Variants in PDE7B observed in about 807,000 individuals in gnomAD.
PDE7B encodes 3',5'-cyclic-AMP phosphodiesterase 7B.
Under a neutral mutation model 56.2 loss-of-function variants are expected in PDE7B, and 29 were observed. That is an observed-to-expected ratio of 0.52 (90% confidence interval 0.38 to 0.70). The LOEUF (loss-of-function observed/expected upper bound fraction) is 0.70. PDE7B is among the 30% of genes least tolerant of loss of function. PDE7B has a pLI of 0.00. For synonymous variants in PDE7B, 197 were observed against 196.9 expected, an observed-to-expected ratio of 1.00 and a Z score of 0.00; for missense variants, 490 against 565.0, an observed-to-expected ratio of 0.87 and a Z score of 1.35.
intron 2 of PDE7B, among the ~76,000 whole-genome samples, chr6:136,007,029 A>C (rs916136473): frequency 6.6e-6 from 1 of 152,128 alleles, no homozygotes. Context: ...TATTCAGTGT[A>C]ATATTGGCTG....
In PDE7B at chr6:135,907,409, C is replaced by T. The variant is rs186019305; in HGVS notation, c.22-40055C>T. Among the ~76,000 whole-genome samples the T allele has an allele frequency of 1.6e-4, 24 of 152,224 alleles. No individual in the cohort carries two copies. In the South Asian group the frequency reaches 3.5e-3, roughly 22 times the overall value. ...AAAGAATTACAGAGCTTAGTTTTCA[C>T]GGATCAGGCCTCTTCCAGTTTCTGC... is the stretch of plus-strand genomic sequence containing the variant. On this transcript the variant is annotated intron_variant, in intron 1 of 12. Transcript: ENST00000308191.
At chr6:135,872,423 C>T (rs779498750) in intron 1 of PDE7B, among the ~76,000 whole-genome samples, 2 of 152,084 alleles carry the variant, frequency 1.3e-5, no homozygotes, top group Admixed American at 6.6e-5. Flanking sequence ...TTCAATTTCA[C>T]ATAAGACACT....
intron 2 of PDE7B, among the ~76,000 whole-genome samples, chr6:136,074,864 T>C (rs1341697892): frequency 6.6e-6 from 1 of 152,230 alleles, no homozygotes; most frequent in Non-Finnish European, 1.5e-5. Context: ...ATCTTGGCTG[T>C]TGTGAATAGT....
intron 2 of PDE7B, among the ~76,000 whole-genome samples, chr6:136,094,985 C>A (rs566618996): frequency 6.6e-6 from 1 of 152,272 alleles, no homozygotes; most frequent in South Asian, 2.1e-4. Context: ...CAGTATCTAC[C>A]TAATTATTTT....
chr6:135,956,320 A>C (rs1165857173), intron 2 of PDE7B, among the ~76,000 whole-genome samples: 1 of 152,210 alleles, frequency 6.6e-6, no homozygotes, highest in Non-Finnish European at 1.5e-5. Flanking sequence ...CATAATACAA[A>C]TGTAAAATAC....
Position 136,158,889 on chromosome 6 carries a change from G to T in PDE7B, c.711+3131G>T, listed in dbSNP as rs544736153. ...AAATTTAATGGTGGGCTTAGCAACT[G>T]TGCAAAGTAAGCATTAAGTTACATA... On this transcript the variant is annotated intron_variant, in intron 8 of 12. Transcript: ENST00000308191. Among the ~76,000 whole-genome samples, 3 of 152,290 alleles carry T rather than the reference G, an allele frequency of 2.0e-5. No individual in the cohort carries two copies. In the South Asian group the frequency reaches 6.2e-4, roughly 32 times the overall value.
intron 3 of PDE7B, among the ~76,000 whole-genome samples, chr6:136,131,508 T>G (rs560601041): frequency 0.013 from 1,946 of 147,690 alleles, 16 homozygotes; most frequent in Non-Finnish European, 0.022. Context: ...TTTTTTTTTT[T>G]TTTTTTTTTT....
At chr6:136,018,458 A>G (rs993123545) in intron 2 of PDE7B, among the ~76,000 whole-genome samples, 15 of 152,206 alleles carry the variant, frequency 9.9e-5, no homozygotes, top group African/African-American at 3.6e-4. Context: ...TCAAAATGAG[A>G]TCAACTCCTC....
chr6:135,868,063 T>C (rs1205630001), intron 1 of PDE7B, among the ~76,000 whole-genome samples: 1 of 152,228 alleles, frequency 6.6e-6, no homozygotes, highest in East Asian at 1.9e-4. Flanking sequence ...TGCATTTAGG[T>C]TATTCATACA....
chr6:135,893,297 C>A (rs1307902184), intron 1 of PDE7B, among the ~76,000 whole-genome samples: 1 of 148,508 alleles, frequency 6.7e-6, no homozygotes, highest in Non-Finnish European at 1.5e-5. Flanking sequence ...CGATTCCCAC[C>A]TATGAATGAG....
intron 2 of PDE7B, among the ~76,000 whole-genome samples, chr6:136,002,037 G>A (rs1775678438): frequency 6.6e-6 from 1 of 152,172 alleles, no homozygotes; most frequent in Admixed American, 6.5e-5. Flanking sequence ...GAGAGTGGGG[G>A]CCAATATTCG....
In PDE7B at chr6:136,178,327, G is replaced by A. The variant is rs78235524; in HGVS notation, c.804-670G>A. 6.8e-4 allele frequency among the ~76,000 whole-genome samples: 103 copies of A among 152,188 alleles called. No individual in the cohort carries two copies. The East Asian group carries it at 0.018, about 27-fold the overall frequency. On this transcript the variant is annotated intron_variant, in intron 9 of 12. Transcript: ENST00000308191. ...TACTTAAATATATTTCATTTTTAAA[G>A]GTAAATTTTACAAATATTTATGGAT...
intron 1 of PDE7B, among the ~76,000 whole-genome samples, chr6:135,928,896 C>T (rs1042206808): frequency 6.6e-6 from 1 of 152,044 alleles, no homozygotes; most frequent in African/African-American, 2.4e-5. Flanking sequence ...CATTAGTACA[C>T]CAAACCTCAG....
chr6:136,141,022 G>A (rs1778315491), intron 3 of PDE7B, among the ~76,000 whole-genome samples: 1 of 152,162 alleles, frequency 6.6e-6, no homozygotes, highest in Non-Finnish European at 1.5e-5. Context: ...AGTGGTGAGA[G>A]AGGGCATCCC....
At chr6:136,171,157 T>G (rs1778873101) in intron 8 of PDE7B, among the ~76,000 whole-genome samples, 1 of 152,280 alleles carries the variant, frequency 6.6e-6, no homozygotes, top group Non-Finnish European at 1.5e-5. Context: ...TATTCATCAT[T>G]TAAATGGTTA....
chr6:136,163,421 C>A (rs1778741907), intron 8 of PDE7B, among the ~76,000 whole-genome samples: 1 of 152,222 alleles, frequency 6.6e-6, no homozygotes, highest in African/African-American at 2.4e-5. Flanking sequence ...TGTCCCAAGG[C>A]TGCACAGAGC....
At chr6:136,092,489 G>A (rs372342522) in intron 2 of PDE7B, among the ~76,000 whole-genome samples, 1 of 152,156 alleles carries the variant, frequency 6.6e-6, no homozygotes, top group African/African-American at 2.4e-5. Flanking sequence ...GGCCGGGTAC[G>A]ATGGCTCATG....
chr6:135,882,876 A>G (rs955160698), intron 1 of PDE7B, among the ~76,000 whole-genome samples: 1 of 152,214 alleles, frequency 6.6e-6, no homozygotes, highest in Admixed American at 6.5e-5. Context: ...GGTTCCCATT[A>G]TTATAAAGTT....
chr6:136,098,013 G>A (rs900415816), intron 2 of PDE7B: 11 of 151,252 alleles, frequency 7.3e-5, no homozygotes, highest in African/African-American at 2.7e-4. Context: ...ATTAACTCCT[G>A]TTCATTTACC....
Sources: allele counts gnomAD v4.1 joint callset (sites outside exome capture counted in the v4.1 genomes callset), GRCh38; gene constraint gnomAD v4.1.1; transcripts MANE v1.5; gene names NCBI Gene and HGNC (gene_info 2026-07-23, HGNC 2026-07-21).